PLCE1: variants seen among roughly 807,000 people sequenced by gnomAD.
The protein encoded by PLCE1 is 1-phosphatidylinositol 4,5-bisphosphate phosphodiesterase epsilon-1.
PLCE1 carries 119 observed loss-of-function variants against 242.8 expected under a neutral mutation model. That is an observed-to-expected ratio of 0.49 (90% CI 0.42 to 0.57). The LOEUF (loss-of-function observed/expected upper bound fraction) is 0.57. Ranked by LOEUF, PLCE1 falls within the 20% of genes least tolerant of loss-of-function variation. The pLI is 0.00. For synonymous variants in PLCE1, 945 were observed against 1,017.4 expected (o/e 0.93, Z 1.35); for missense variants, 2,441 against 2,788.8 (o/e 0.88, Z 2.81).
In PLCE1 at chr10:94,283,825, T is replaced by G; in HGVS notation, c.4831T>G (p.Cys1611Gly). The stretch of plus-strand genomic sequence containing the variant: ...GGAAGACAGACCTGAAAATAAATCA[T>G]GTAATGACAAGCTTCAGTTTGAATA... Reference protein sequence around the residue: ...ILEDRPENKSCNDKLQFEYNE... With the variant: ...ILEDRPENKSGNDKLQFEYNE... The change falls in exon 21 of 33, where the codon TGT becomes GGT. Residue 1611 changes from cysteine (C) to glycine (G), a missense_variant. Physicochemically the swap from Cys to Gly is radical, Grantham distance 159. This residue lies in a region of PLCE1 where 1,004 missense variants were observed against 1,322.7 expected (regional missense o/e 0.76). Coordinates refer to ENST00000371380, the MANE Select transcript of PLCE1 (RefSeq NM_016341.4). 1 of 1,612,300 alleles carries G rather than the reference T, an allele frequency of 6.2e-7. No individual in the cohort carries two copies. Among genetic ancestry groups the G allele is most frequent in the East Asian group, 2.2e-5 (1 of 44,806 alleles).
intron 2 of PLCE1, among the ~76,000 whole-genome samples, chr10:94,116,728 G>A (rs2046142434): frequency 6.6e-6 from 1 of 151,926 alleles, no homozygotes; most frequent in Non-Finnish European, 1.5e-5. Flanking sequence ...ATATTTGCAG[G>A]GTAAAACATA....
intron 3 of PLCE1, among the ~76,000 whole-genome samples, chr10:94,145,037 A>G (rs888086083): frequency 1.3e-5 from 2 of 152,270 alleles, no homozygotes; most frequent in Non-Finnish European, 2.9e-5. Flanking sequence ...TAGTGACACA[A>G]TAAGACTTAC....
intron 23 of PLCE1, among the ~76,000 whole-genome samples, chr10:94,295,948 A>AT (rs1053136460): frequency 1.3e-5 from 2 of 152,234 alleles, no homozygotes; most frequent in Non-Finnish European, 2.9e-5. Context: ...CGCCAGCTGC[A>AT]TTAGCCCCTA....
chr10:94,073,373 A>G (rs1443975285), intron 2 of PLCE1, among the ~76,000 whole-genome samples: 2 of 152,212 alleles, frequency 1.3e-5, no homozygotes, highest in African/African-American at 2.4e-5. Flanking sequence ...CTAAAGTTAT[A>G]TGGTGCTCAG....
At position 94,182,600 on chromosome 10, in the gene PLCE1, T is replaced by G. The variant is rs144787653; in HGVS notation, c.1809+11104T>G. ...TTCATTTCTTTTCTTTCTTCTTTCC[T>G]TCATTCCTTCCTTTTCTTCTTTCCT... On this transcript the variant is annotated intron_variant, in intron 4 of 32. Transcript: ENST00000371380. 2.8e-4 allele frequency among the ~76,000 whole-genome samples: 42 copies of G among 152,226 alleles called. No individual in the cohort carries two copies. The East Asian group carries it at 5.0e-3, about 18-fold the overall frequency.
chr10:94,132,547 T>A, intron 3 of PLCE1, 88 bp downstream of exon 3: 1 of 1,301,946 alleles, frequency 7.7e-7, no homozygotes, highest in Non-Finnish European at 1.1e-6. Context: ...TGATGGAAAA[T>A]TAAGTTCACT....
chr10:94,063,506 T>C (rs996975136), intron 2 of PLCE1, among the ~76,000 whole-genome samples: 3 of 152,204 alleles, frequency 2.0e-5, no homozygotes, highest in Non-Finnish European at 2.9e-5. Context: ...GAGTGAATAA[T>C]TGATTCTTCC....
chr10:94,305,633 C>T (rs2133626474), intron 25 of PLCE1, among the ~76,000 whole-genome samples: 1 of 152,302 alleles, frequency 6.6e-6, no homozygotes, highest in South Asian at 2.1e-4. Flanking sequence ...TAGCCCCTTT[C>T]CTATTTGTTA....
At chr10:94,158,057 T>G (rs2047488300) in intron 3 of PLCE1, among the ~76,000 whole-genome samples, 1 of 152,196 alleles carries the variant, frequency 6.6e-6, no homozygotes, top group Non-Finnish European at 1.5e-5. Flanking sequence ...ACTGAGATGT[T>G]ATATTATTAT....
chr10:93,997,632 CTTTTT>C (rs34338995), intron 1 of PLCE1, among the ~76,000 whole-genome samples: 1 of 79,872 alleles, frequency 1.3e-5, no homozygotes, highest in African/African-American at 5.6e-5. Flanking sequence ...AATAACCATC[CTTTTT>C]TTTTTTTTTT....
At chr10:94,191,632 C>A (rs1389757765) in intron 4 of PLCE1, among the ~76,000 whole-genome samples, 2 of 151,610 alleles carry the variant, frequency 1.3e-5, no homozygotes, top group Non-Finnish European at 2.9e-5. Context: ...CAGAGTGAGA[C>A]CCTTTCTCAG....
chr10:94,247,228 T>C lies in PLCE1; in HGVS notation c.3096+607T>C, dbSNP rs371637067. 3.4e-4 allele frequency among the ~76,000 whole-genome samples: 52 copies of C among 152,152 alleles called. No homozygotes were observed. In the East Asian group the frequency reaches 9.3e-3, roughly 27 times the overall value. ...TATTTGTATTTTGTATGAAATACAT[T>C]TTACTTAGATTTTATAGTAACTGAA... On this transcript the variant is annotated intron_variant, in intron 8 of 32. Transcript: ENST00000371380.
intron 9 of PLCE1, among the ~76,000 whole-genome samples, chr10:94,253,915 G>A (rs1256193987): frequency 6.6e-6 from 1 of 152,202 alleles, no homozygotes; most frequent in Non-Finnish European, 1.5e-5. Flanking sequence ...AATTTTATCT[G>A]CTTCACAGTT....
intron 3 of PLCE1, chr10:94,138,598 A>T: frequency 2.3e-6 from 1 of 428,442 alleles, no homozygotes; most frequent in Non-Finnish European, 4.6e-6. Context: ...ATCAAAGGGC[A>T]TGTCAAGTGT....
intron 5 of PLCE1, among the ~76,000 whole-genome samples, chr10:94,231,725 G>A (rs1486137547): frequency 6.6e-6 from 1 of 152,168 alleles, no homozygotes; most frequent in Admixed American, 6.5e-5. Flanking sequence ...AGATGAAACT[G>A]TTCCACATCA....
chr10:94,019,385 A>T (rs1368187075), intron 1 of PLCE1, among the ~76,000 whole-genome samples: 1 of 152,124 alleles, frequency 6.6e-6, no homozygotes, highest in East Asian at 1.9e-4. Flanking sequence ...TATAGCCACC[A>T]CCTCAATCAA....
Position 94,265,814 on chromosome 10 carries a change from T to A in PLCE1, c.4137T>A (p.Asn1379Lys). The A allele has an allele frequency of 6.2e-7, 1 of 1,613,932 alleles. No individual in the cohort carries two copies. Residue 1379 changes from asparagine (N) to lysine (K), a missense_variant, in exon 16 of 33, where the codon AAT becomes AAA. Asn to Lys is a moderately conservative substitution (Grantham distance 94, BLOSUM62 0). Transcript: ENST00000371380. Reference sequence around the variant, plus strand: ...CTAGGTTTCTGATGGATAAAGAAAATTTTGCCTCAAAAAATGATGAGTCAC... The same window carrying A: ...CTAGGTTTCTGATGGATAAAGAAAAATTTGCCTCAAAAAATGATGAGTCAC... The part of the protein sequence containing the change: ...GFARFLMDKE[N>K]FASKNDESQE...
At chr10:94,152,929 G>A (rs188079034) in intron 3 of PLCE1, among the ~76,000 whole-genome samples, 1 of 152,228 alleles carries the variant, frequency 6.6e-6, no homozygotes, top group East Asian at 1.9e-4. Context: ...AAGTCATAGA[G>A]CTATTTTAAT....
intron 9 of PLCE1, 55 bp downstream of exon 9, chr10:94,252,553 G>T: frequency 7.0e-7 from 1 of 1,429,716 alleles, no homozygotes; most frequent in Non-Finnish European, 9.7e-7. Flanking sequence ...ACCGCTGTAT[G>T]GTGAACATCA....
Sources: allele counts gnomAD v4.1 joint callset (sites outside exome capture counted in the v4.1 genomes callset), GRCh38; gene constraint gnomAD v4.1.1; regional missense constraint gnomAD v4.1.1; transcripts MANE v1.5; gene names NCBI Gene and HGNC (gene_info 2026-07-23, HGNC 2026-07-21).